The following NOMO3 variants were observed in gnomAD, a reference collection of about 807,000 sequenced individuals.
The protein encoded by NOMO3 is NODAL modulator 3, also known as BOS complex subunit NOMO3.
NOMO3 carries 15 observed loss-of-function variants against 69.9 expected under a neutral mutation model. The ratio of observed to expected loss-of-function variants is 0.21; its 90% CI spans 0.14 to 0.33. The LOEUF (loss-of-function observed/expected upper bound fraction) is 0.33. Among genes scored for constraint, NOMO3 ranks in the 10% least tolerant of loss-of-function variants. NOMO3 has a pLI of 1.00. For missense variants in NOMO3, 218 were observed against 761.0 expected (o/e 0.29, Z 8.39); for synonymous variants, 89 against 301.9 (o/e 0.29, Z 7.31).
intron 11 of NOMO3, among the ~76,000 whole-genome samples, chr16:16,260,559 T>G (rs986956318): frequency 7.0e-6 from 1 of 143,474 alleles, no homozygotes; most frequent in African/African-American, 2.9e-5. Context: ...TTTTCCACTG[T>G]TTTTTTATTT....
chr16:16,233,486 G>T (rs933977288), intron 1 of NOMO3, among the ~76,000 whole-genome samples: 1 of 103,354 alleles, frequency 9.7e-6, no homozygotes, highest in African/African-American at 3.7e-5. Context: ...AATTACCCTA[G>T]AGATTTGTGC....
At position 16,252,828 on chromosome 16, in the gene NOMO3, ATTTT is replaced by A. The variant is rs1180588275; in HGVS notation, c.963+326_963+329del. Among the ~76,000 whole-genome samples the A allele has an allele frequency of 2.7e-4, 18 of 66,666 alleles. 1 individual carries two copies. Among genetic ancestry groups the A allele is most frequent in the African/African-American group, 1.0e-3 (13 of 12,940 alleles). The allele number at this position is 66,666 out of a possible 152,430, so 43.7% of individuals were successfully genotyped here. Reference sequence around the variant, plus strand: ...AAAAATTCTTGTCCCTGTGGACCTCATTTTTTTTTTTTTTTTTTTTTTTAAGACA... The same window carrying A: ...AAAAATTCTTGTCCCTGTGGACCTCATTTTTTTTTTTTTTTTTTTAAGACA... On this transcript the variant is annotated intron_variant, in intron 9 of 30. Coordinates refer to ENST00000399336, the MANE Select transcript of NOMO3 (RefSeq NM_001004067.4).
chr16:16,237,351 A>C lies in NOMO3; in HGVS notation c.255+361A>C, dbSNP rs1459985063. On this transcript the variant is annotated intron_variant, in intron 2 of 30. Coordinates refer to ENST00000399336, the MANE Select transcript of NOMO3 (RefSeq NM_001004067.4). ...GCCAGGGCTGAGAAACTCTGATTTC[A>C]TGGAACCCGTTACTTGCAAGCAGCT... is the stretch of plus-strand genomic sequence containing the variant. 2.1e-5 allele frequency among the ~76,000 whole-genome samples: 3 copies of C among 144,518 alleles called. 1 individual carries two copies. In the East Asian group the frequency reaches 6.7e-4, roughly 32 times the overall value. 94.8% of individuals were successfully genotyped at this position (144,518 alleles called of 152,430 possible).
At chr16:16,266,632 G>A (rs2049621983) in intron 15 of NOMO3, 1 of 394,116 alleles carries the variant, frequency 2.5e-6, no homozygotes, top group Non-Finnish European at 4.7e-6. Flanking sequence ...TGTGCCCTGG[G>A]ACCAGCGAGC....
Position 16,265,154 on chromosome 16 carries a change from G to C in NOMO3, c.1781G>C (p.Cys594Ser). The change falls in exon 15 of 31, where the codon TGT becomes TCT. Residue 594 changes from cysteine to serine, a missense_variant. By Grantham distance (112) the Cys-to-Ser change is moderately radical. Coordinates refer to ENST00000399336, the MANE Select transcript of NOMO3 (RefSeq NM_001004067.4). ...EFRQTGYMLR[C>S]SLSHAITLEF... ...AGGCAGACGGGCTACATGCTGAGATGTTCCCTGTCTCACGCCATCACTCTG... is the reference window on the plus strand; with the variant it reads ...AGGCAGACGGGCTACATGCTGAGATCTTCCCTGTCTCACGCCATCACTCTG... 1 of 1,586,248 alleles carries C rather than the reference G, an allele frequency of 6.3e-7. No homozygotes were observed. Among genetic ancestry groups the C allele is most frequent in the Non-Finnish European group, 8.5e-7 (1 of 1,177,480 alleles).
chr16:16,274,345 T>C (rs890578706), intron 20 of NOMO3, among the ~76,000 whole-genome samples: 2 of 89,270 alleles, frequency 2.2e-5, no homozygotes, highest in African/African-American at 8.7e-5. Flanking sequence ...GCTGTTAGAA[T>C]TGAGTTGATC....
intron 1 of NOMO3, among the ~76,000 whole-genome samples, chr16:16,233,502 GTTTTTTT>G (rs1300616875): frequency 1.1e-5 from 1 of 92,892 alleles, no homozygotes; most frequent in Non-Finnish European, 2.2e-5. Context: ...TGTGCTGAAG[GTTTTTTT>G]TTTTTTTTTT....
At chr16:16,248,081 C>CT (rs1169035278) in intron 6 of NOMO3, among the ~76,000 whole-genome samples, 1,052 of 87,098 alleles carry the variant, frequency 0.012, 20 homozygotes, top group African/African-American at 0.046. Flanking sequence ...TGGATACAGT[C>CT]TTTTTTTTTT....
At chr16:16,266,931 C>G in intron 15 of NOMO3, 113 bp from the exon 16 acceptor site, 1 of 539,534 alleles carries the variant, frequency 1.9e-6, no homozygotes, top group South Asian at 2.2e-5. Flanking sequence ...CACCCAACTG[C>G]TCCAATGATT....
Position 16,267,046 on chromosome 16 carries a change from A to G in NOMO3, c.1809A>G (p.Glu603=), listed in dbSNP as rs1306939920. 8.2e-6 allele frequency: 8 copies of G among 976,054 alleles called. 1 individual carries two copies. Among genetic ancestry groups the G allele is most frequent in the Middle Eastern group, 3.0e-4 (1 of 3,366 alleles). 60.5% of individuals were successfully genotyped at this position (976,054 alleles called of 1,614,324 possible). A position where few individuals can be genotyped will look rare whatever the true frequency, so the allele number is the denominator to read the frequency against. ...RCSLSHAITL[E]FYQDGNGREN... ...TTGTATTGGCTTTGCTCCCTTAGGA[A>G]TTTTATCAGGATGGAAATGGGCGTG... The change falls in exon 16 of 31, where the codon GAA becomes GAG. Residue 603 remains glutamate, a splice_region_variant and synonymous_variant. Coordinates refer to ENST00000399336, the MANE Select transcript of NOMO3 (RefSeq NM_001004067.4).
At chr16:16,255,879 G>T in intron 10 of NOMO3, 54 bp downstream of exon 10, 2 of 1,473,372 alleles carry the variant, frequency 1.4e-6, no homozygotes, top group South Asian at 2.5e-5. Flanking sequence ...TTGGATCACA[G>T]AGAGAAATGG....
chr16:16,241,085 G>A (rs2049370450), intron 3 of NOMO3, among the ~76,000 whole-genome samples: 1 of 142,588 alleles, frequency 7.0e-6, no homozygotes, highest in Non-Finnish European at 1.5e-5. Context: ...TTTTCACTAA[G>A]TGAACACACC....
chr16:16,239,159 G>A (rs542666220), intron 2 of NOMO3, among the ~76,000 whole-genome samples: 2 of 143,722 alleles, frequency 1.4e-5, no homozygotes, highest in Non-Finnish European at 3.0e-5. Flanking sequence ...ATGAGTTAAC[G>A]TATTGTTTAG....
At chr16:16,235,797 C>T (rs1248671900) in intron 1 of NOMO3, 1 of 438,998 alleles carries the variant, frequency 2.3e-6, no homozygotes, top group African/African-American at 2.2e-5. Flanking sequence ...CATGAGCCAC[C>T]ATGCCTGGCC....
At chr16:16,256,271 T>G in intron 11 of NOMO3, 113 bp downstream of exon 11, 1 of 1,463,214 alleles carries the variant, frequency 6.8e-7, no homozygotes, top group Non-Finnish European at 9.0e-7. Context: ...TAAGAAAGAT[T>G]AGTACTTTTT....
At chr16:16,259,461 G>T (rs2049545941) in intron 11 of NOMO3, among the ~76,000 whole-genome samples, 1 of 137,484 alleles carries the variant, frequency 7.3e-6, no homozygotes, top group South Asian at 2.3e-4. Flanking sequence ...TGATTCTCCT[G>T]CCCCAGCCTC....
rs1187203852 is a variant in NOMO3 at position 16,260,631 on chromosome 16, ATTATCT to A, written c.1221-866_1221-861del. ...TAATTGTCAGAATCCAACATTCTTG[ATTATCT>A]TTATGTCAGAAGTAACTAATTTTTA... On this transcript the variant is annotated intron_variant, in intron 11 of 30. Transcript: ENST00000399336. 3.5e-5 allele frequency among the ~76,000 whole-genome samples: 5 copies of A among 142,316 alleles called. 2 individuals carry two copies. The South Asian group carries it at 6.6e-4, about 19-fold the overall frequency. The allele number at this position is 142,316 out of a possible 152,430, so 93.4% of individuals were successfully genotyped here. A position where few individuals can be genotyped will look rare whatever the true frequency, so the allele number is the denominator to read the frequency against.
chr16:16,255,675 G>A, intron 9 of NOMO3, 45 bp from the exon 10 acceptor site: 1 of 1,589,512 alleles, frequency 6.3e-7, no homozygotes. Flanking sequence ...TTGTGGCTCT[G>A]GCACAGGAGC....
At chr16:16,235,952 C>T (rs1170918508) in intron 1 of NOMO3, 4 of 388,094 alleles carry the variant, frequency 1.0e-5, no homozygotes, top group South Asian at 1.9e-5. Flanking sequence ...CCACGCAACA[C>T]GTGGAAGACT....
Sources: gnomAD v4.1 joint callset for allele counts (sites outside exome capture counted in the v4.1 genomes callset) on GRCh38, gnomAD v4.1.1 for gene constraint, MANE v1.5 for transcripts, NCBI Gene and HGNC (gene_info 2026-07-23, HGNC 2026-07-21) for gene names.